The following NCAM2 variants were observed in gnomAD, a reference collection of about 807,000 sequenced individuals.
NCAM2 encodes N-CAM-2.
In NCAM2, 30 loss-of-function variants were observed where a neutral mutation model predicts 98.1. The ratio of observed to expected loss-of-function variants is 0.31; its 90% CI spans 0.23 to 0.41. The LOEUF is 0.41. NCAM2 is among the 10% of genes least tolerant of loss of function. The pLI is 1.00. For missense variants in NCAM2, 867 were observed against 1,005.8 expected (o/e 0.86, Z 1.87); for synonymous variants, 368 against 342.4 (o/e 1.07, Z -0.83).
intron 1 of NCAM2, among the ~76,000 whole-genome samples, chr21:21,224,041 C>G (rs534521589): frequency 6.6e-6 from 1 of 152,086 alleles, no homozygotes; most frequent in Non-Finnish European, 1.5e-5. Context: ...ATTATCATTG[C>G]GGAGCTCAGA....
intron 1 of NCAM2, among the ~76,000 whole-genome samples, chr21:21,197,666 G>T (rs1053223811): frequency 1.3e-5 from 2 of 152,078 alleles, no homozygotes; most frequent in Non-Finnish European, 2.9e-5. Flanking sequence ...ACTTTGCAAG[G>T]TCTAACACAT....
chr21:21,169,516 G>C (rs1455322430), intron 1 of NCAM2, among the ~76,000 whole-genome samples: 1 of 151,994 alleles, frequency 6.6e-6, no homozygotes, highest in African/African-American at 2.4e-5. Context: ...CACAGACTGA[G>C]AAAAAAATAT....
At chr21:21,434,863 G>T (rs2077433321) in intron 12 of NCAM2, among the ~76,000 whole-genome samples, 1 of 152,068 alleles carries the variant, frequency 6.6e-6, no homozygotes, top group Admixed American at 6.6e-5. Context: ...TCTTGTCTTG[G>T]GAAGGTGAAA....
At chr21:21,443,435 C>A (rs572466053) in intron 12 of NCAM2, among the ~76,000 whole-genome samples, 1 of 147,870 alleles carries the variant, frequency 6.8e-6, no homozygotes, top group African/African-American at 2.5e-5. Flanking sequence ...TTTTTTTTTT[C>A]TTTTTTCTTC....
chr21:21,346,388 G>A (rs1313183176), intron 8 of NCAM2, among the ~76,000 whole-genome samples: 4 of 151,914 alleles, frequency 2.6e-5, no homozygotes, highest in African/African-American at 9.7e-5. Flanking sequence ...ATACATAATG[G>A]AAATATTATT....
At chr21:21,369,367 C>T (rs1038123720) in intron 8 of NCAM2, among the ~76,000 whole-genome samples, 2 of 151,472 alleles carry the variant, frequency 1.3e-5, no homozygotes, top group Non-Finnish European at 2.9e-5. Flanking sequence ...TTTTTCAATC[C>T]ATGCACCAGT....
At chr21:21,265,040 T>TGTCTGTGTATATATAA (rs2072135359) in intron 1 of NCAM2, among the ~76,000 whole-genome samples, 1 of 35,130 alleles carries the variant, frequency 2.8e-5, no homozygotes, top group African/African-American at 1.5e-4. Context: ...TGTATATATG[T>TGTCTGTGTATATATAA]ACACATATAT....
chr21:21,155,039 A>G (rs2067570689), intron 1 of NCAM2, among the ~76,000 whole-genome samples: 1 of 151,718 alleles, frequency 6.6e-6, no homozygotes, highest in Non-Finnish European at 1.5e-5. Context: ...TTGAGAGGAA[A>G]AAACAGGGGT....
chr21:21,379,659 T>C (rs2076109015), intron 9 of NCAM2, among the ~76,000 whole-genome samples: 1 of 152,086 alleles, frequency 6.6e-6, no homozygotes, highest in Non-Finnish European at 1.5e-5. Flanking sequence ...TTTATTTATA[T>C]CCCACCATAT....
chr21:21,240,378 AAAAAAAAGC>A (rs1397324823), intron 1 of NCAM2, among the ~76,000 whole-genome samples: 2 of 151,962 alleles, frequency 1.3e-5, no homozygotes, highest in Non-Finnish European at 2.9e-5. Flanking sequence ...ATGCTAAAAA[AAAAAAAAGC>A]AAAAAAAGCT....
intron 1 of NCAM2, among the ~76,000 whole-genome samples, chr21:21,133,491 T>C (rs1300247799): frequency 6.6e-6 from 1 of 152,172 alleles, no homozygotes; most frequent in Non-Finnish European, 1.5e-5. Context: ...ATATCTGATT[T>C]CAAGGAGGCA....
chr21:21,159,377 A>G (rs2067712479), intron 1 of NCAM2, among the ~76,000 whole-genome samples: 1 of 152,152 alleles, frequency 6.6e-6, no homozygotes, highest in Admixed American at 6.5e-5. Flanking sequence ...CAAGTCCTAG[A>G]CAATCTCATT....
At chr21:21,235,401 A>G (rs2070780050) in intron 1 of NCAM2, among the ~76,000 whole-genome samples, 1 of 152,032 alleles carries the variant, frequency 6.6e-6, no homozygotes, top group Admixed American at 6.6e-5. Flanking sequence ...TTTATTTGTT[A>G]TGTAATATAT....
At chr21:21,484,252 GC>G (rs1346811490) in intron 15 of NCAM2, among the ~76,000 whole-genome samples, 1 of 152,066 alleles carries the variant, frequency 6.6e-6, no homozygotes, top group Non-Finnish European at 1.5e-5. Context: ...CAAGATTTTA[GC>G]CATTCTTGTT....
chr21:21,137,418 A>C (rs1380707386), intron 1 of NCAM2, among the ~76,000 whole-genome samples: 3 of 152,234 alleles, frequency 2.0e-5, no homozygotes, highest in African/African-American at 7.2e-5. Context: ...AAGTATTCTA[A>C]ATCAGGTGAG....
At chr21:21,438,262 A>AT (rs1213783862) in intron 12 of NCAM2, among the ~76,000 whole-genome samples, 1 of 152,180 alleles carries the variant, frequency 6.6e-6, no homozygotes, top group Non-Finnish European at 1.5e-5. Flanking sequence ...AGAAGTAATT[A>AT]TCAGCTCTTG....
At chr21:21,340,014 T>G (rs185844854) in intron 8 of NCAM2, among the ~76,000 whole-genome samples, 176 of 151,998 alleles carry the variant, frequency 1.2e-3, no homozygotes, top group Non-Finnish European at 2.0e-3. Context: ...CTTTAGTATA[T>G]TCTTAACAAA....
chr21:21,458,508 C>G (rs1334447110), intron 12 of NCAM2, among the ~76,000 whole-genome samples: 1 of 152,170 alleles, frequency 6.6e-6, no homozygotes, highest in Non-Finnish European at 1.5e-5. Context: ...GTGGAGCCTT[C>G]TTAGCCTTGG....
intron 1 of NCAM2, among the ~76,000 whole-genome samples, chr21:21,129,307 T>A (rs1206724725): frequency 6.6e-6 from 1 of 152,182 alleles, no homozygotes; most frequent in Non-Finnish European, 1.5e-5. Context: ...ACTTAATGAT[T>A]TAATCATTGT....
Sources: allele counts gnomAD v4.1 joint callset (sites outside exome capture counted in the v4.1 genomes callset), GRCh38; gene constraint gnomAD v4.1.1; transcripts MANE v1.5; gene names NCBI Gene and HGNC (gene_info 2026-07-23, HGNC 2026-07-21).